RUSC2: variants seen among roughly 807,000 people sequenced by gnomAD.
RUSC2 encodes the protein AP-4 complex accessory subunit RUSC2.
RUSC2 carries 34 observed loss-of-function variants against 122.2 expected under a neutral mutation model. The ratio of observed to expected loss-of-function variants is 0.28; its 90% CI spans 0.21 to 0.37. The LOEUF (loss-of-function observed/expected upper bound fraction) is 0.37, where lower values mean the gene tolerates loss of function less well. RUSC2 is among the 10% of genes least tolerant of loss of function. The pLI, the probability that RUSC2 is intolerant of heterozygous loss-of-function variation, is 1.00. For synonymous variants in RUSC2, 784 were observed against 790.0 expected (o/e 0.99, Z 0.13); for missense variants, 1,747 against 1,952.4 (o/e 0.89, Z 1.98).
At chr9:35,559,921 A>G in intron 9 of RUSC2, 108 bp from the exon 10 acceptor site, 1 of 910,816 alleles carries the variant, frequency 1.1e-6, no homozygotes, top group Non-Finnish European at 1.7e-6. Context: ...ACTAGTGCAC[A>G]GCCTGCACCG....
intron 1 of RUSC2, among the ~76,000 whole-genome samples, chr9:35,501,792 T>C (rs1820822048): frequency 6.6e-6 from 1 of 152,210 alleles, no homozygotes; most frequent in Non-Finnish European, 1.5e-5. Context: ...CCTTAATTAA[T>C]TTAATGAGTT....
chr9:35,552,637 G>C (rs1587866053), intron 2 of RUSC2, among the ~76,000 whole-genome samples: 1 of 152,182 alleles, frequency 6.6e-6, no homozygotes, highest in Non-Finnish European at 1.5e-5. Context: ...AGAGTGGATA[G>C]TCTCTCACTC....
At chr9:35,512,049 C>T (rs1189752185) in intron 1 of RUSC2, among the ~76,000 whole-genome samples, 2 of 152,084 alleles carry the variant, frequency 1.3e-5, no homozygotes, top group Non-Finnish European at 2.9e-5. Flanking sequence ...GGCGTGGTGG[C>T]TGGCGCCTGT....
At chr9:35,498,158 GTT>G (rs10590726) in intron 1 of RUSC2, among the ~76,000 whole-genome samples, 34,783 of 145,330 alleles carry the variant, frequency 0.24, 4,149 homozygotes, top group East Asian at 0.34. Flanking sequence ...TTTAGTTTTG[GTT>G]TTTTTTTTTT....
Position 35,555,579 on chromosome 9 carries a change from A to C in RUSC2, c.2534A>C (p.Glu845Ala). The C allele has an allele frequency of 1.9e-6, 3 of 1,613,980 alleles. 1 individual carries two copies. In the South Asian group the frequency reaches 3.3e-5, roughly 18 times the overall value. The change falls in exon 3 of 12, where the codon GAG becomes GCG. Residue 845 changes from glutamate (E) to alanine (A), a missense_variant. Transcript: ENST00000361226. The surrounding 1 kb of genome is among the most constrained non-coding windows in gnomAD (Gnocchi z 4.6). ...KEDQKILTLT[E>A]YRLHGTGSLP... ...GATCAGAAGATACTGACCTTGACTG[A>C]GTACCGGCTCCATGGAACAGGAAGC...
chr9:35,512,343 G>A (rs1055618171), intron 1 of RUSC2, among the ~76,000 whole-genome samples: 2 of 152,074 alleles, frequency 1.3e-5, no homozygotes, highest in African/African-American at 4.8e-5. Context: ...TTAGAACTTT[G>A]AATATAATTT....
chr9:35,525,748 G>A (rs1475704481), intron 1 of RUSC2, among the ~76,000 whole-genome samples: 2 of 151,894 alleles, frequency 1.3e-5, no homozygotes, highest in Non-Finnish European at 2.9e-5. Context: ...GCAGTGAGCC[G>A]AGATCGCACC....
intron 9 of RUSC2, among the ~76,000 whole-genome samples, chr9:35,559,793 G>A (rs1822103372): frequency 6.6e-6 from 1 of 152,140 alleles, no homozygotes; most frequent in Non-Finnish European, 1.5e-5. Flanking sequence ...TGGGAGTTAG[G>A]GTGGCCAGGA....
rs1462570284 is a variant in RUSC2 at position 35,536,789 on chromosome 9, G to T, written c.-92-9641G>T. Among the ~76,000 whole-genome samples, 3 of 120,010 alleles carry T rather than the reference G, an allele frequency of 2.5e-5. No individual in the cohort carries two copies. In the East Asian group the frequency reaches 7.3e-4, roughly 29 times the overall value. The allele number at this position is 120,010 out of a possible 152,430, so 78.7% of individuals were successfully genotyped here. ...AGATCGCGCCACTGCACTCCAGCCT[G>T]GATGACAAGAGTGAAACTCAAAAAA... On this transcript the variant is annotated intron_variant, in intron 1 of 11. Transcript: ENST00000361226.
At chr9:35,549,273 A>G (rs1403978128) in intron 2 of RUSC2, 4 of 898,992 alleles carry the variant, frequency 4.4e-6, no homozygotes, top group Non-Finnish European at 5.3e-6. Flanking sequence ...AACAACACAC[A>G]CACACTGGGC....
intron 1 of RUSC2, among the ~76,000 whole-genome samples, chr9:35,504,572 T>C (rs555541638): frequency 1.3e-5 from 2 of 152,170 alleles, no homozygotes; most frequent in Non-Finnish European, 2.9e-5. Flanking sequence ...TTCAAGCGAT[T>C]CTCCTGCCTC....
intron 1 of RUSC2, among the ~76,000 whole-genome samples, chr9:35,512,136 G>A (rs1284475945): frequency 6.6e-6 from 1 of 151,910 alleles, no homozygotes; most frequent in Non-Finnish European, 1.5e-5. Context: ...AGCCAAGATC[G>A]CGCCACTGCA....
At chr9:35,533,125 T>G (rs951423137) in intron 1 of RUSC2, among the ~76,000 whole-genome samples, 2 of 151,916 alleles carry the variant, frequency 1.3e-5, no homozygotes, top group African/African-American at 2.4e-5. Flanking sequence ...CGCATGCCTG[T>G]AATCCCAGCT....
In RUSC2 at chr9:35,555,517, T is replaced by C. The variant is rs890974230; in HGVS notation, c.2472T>C (p.Ala824=). 6.2e-7 allele frequency: 1 copy of C among 1,614,202 alleles called. No individual in the cohort carries two copies. Among genetic ancestry groups the C allele is most frequent in the South Asian group, 1.1e-5 (1 of 91,090 alleles). ...CATGGAGCCACTCCTGTCCTTCTGC[T>C]GTCCGGCCTGCCACCTCCCAGCAGC... The part of the protein sequence containing the change: ...LPPWSHSCPS[A]VRPATSQQPQ... Residue 824 remains alanine, a synonymous_variant, in exon 3 of 12, where the codon GCT becomes GCC. Coordinates refer to ENST00000361226, the MANE Select transcript of RUSC2 (RefSeq NM_014806.5). This position sits in a 1 kb window ranked among gnomAD's most constrained non-coding sequence, Gnocchi z 4.6.
chr9:35,498,735 C>G (rs1027213761), intron 1 of RUSC2, among the ~76,000 whole-genome samples: 2 of 151,234 alleles, frequency 1.3e-5, no homozygotes, highest in African/African-American at 4.9e-5. Flanking sequence ...GTGGTGCGTG[C>G]CTGTAGTCCC....
At chr9:35,524,937 C>G (rs1275057324) in intron 1 of RUSC2, among the ~76,000 whole-genome samples, 4 of 151,336 alleles carry the variant, frequency 2.6e-5, no homozygotes, top group Admixed American at 6.6e-5. Context: ...CACCACTGCA[C>G]TCCAGCCTGG....
At chr9:35,540,286 T>A (rs2132542733) in intron 1 of RUSC2, among the ~76,000 whole-genome samples, 1 of 152,290 alleles carries the variant, frequency 6.6e-6, no homozygotes. Context: ...GAGGATCACT[T>A]GAGCCCAGGA....
chr9:35,517,434 A>T (rs923549226), intron 1 of RUSC2, among the ~76,000 whole-genome samples: 1 of 152,142 alleles, frequency 6.6e-6, no homozygotes, highest in Non-Finnish European at 1.5e-5. Flanking sequence ...CTTTTAGGCT[A>T]TGTTCCAGTG....
At chr9:35,528,327 C>T (rs571442774) in intron 1 of RUSC2, among the ~76,000 whole-genome samples, 10 of 151,582 alleles carry the variant, frequency 6.6e-5, no homozygotes, top group East Asian at 1.9e-4. Flanking sequence ...AAGGTTGCAG[C>T]GGGCTATGAT....
Sources: gnomAD v4.1 joint callset for allele counts (sites outside exome capture counted in the v4.1 genomes callset) on GRCh38, gnomAD v4.1.1 for gene constraint, Gnocchi (gnomAD v3.1) non-coding constraint, MANE v1.5 for transcripts, NCBI Gene and HGNC (gene_info 2026-07-23, HGNC 2026-07-21) for gene names.